The following COL11A1 variants were observed in gnomAD, a reference collection of about 807,000 sequenced individuals.
The protein encoded by COL11A1 is collagen type XI alpha 1 chain.
A neutral mutation model predicts 265.2 loss-of-function variants in COL11A1; 74 were observed. The observed-to-expected ratio is 0.28, with a 90% CI of 0.23 to 0.34. The LOEUF (loss-of-function observed/expected upper bound fraction) is 0.34, where lower values mean the gene tolerates loss of function less well. Among genes scored for constraint, COL11A1 ranks in the 10% least tolerant of loss-of-function variants. The probability of loss-of-function intolerance (pLI) is 1.00; values close to 1 mark genes in which losing one functional copy is unlikely to be tolerated. For missense variants in COL11A1, 2,165 were observed against 2,263.6 expected, an observed-to-expected ratio of 0.96 and a Z score of 0.88; for synonymous variants, 816 against 727.6, an observed-to-expected ratio of 1.12 and a Z score of -1.96.
intron 46 of COL11A1, among the ~76,000 whole-genome samples, chr1:102,928,470 T>C (rs572800037): frequency 6.6e-6 from 1 of 152,286 alleles, no homozygotes; most frequent in South Asian, 2.1e-4. Flanking sequence ...ATGGTGTATA[T>C]GTGCCACATT....
intron 42 of COL11A1, among the ~76,000 whole-genome samples, chr1:102,945,463 GA>G (rs1246012916): frequency 6.6e-6 from 1 of 152,008 alleles, no homozygotes; most frequent in Admixed American, 6.6e-5. Context: ...GTCTCAAACA[GA>G]AATATTGGAA....
At chr1:103,006,241 C>A (rs756537963) in intron 16 of COL11A1, 21 bp downstream of exon 16, 5 of 1,598,626 alleles carry the variant, frequency 3.1e-6, no homozygotes, top group Non-Finnish European at 4.3e-6. Flanking sequence ...CTTCAAAATG[C>A]ACAATGAAAA....
chr1:103,001,893 C>T lies in COL11A1; in HGVS notation c.2142+32G>A, dbSNP rs757837484. On this transcript the variant is annotated intron_variant, in intron 24 of 66. Transcript: ENST00000370096. ...AAGATTGCTAAAACAAACATGTTCACCAGGCTTTACGAGAACAACAGAGTA... is the reference window on the plus strand; with the variant it reads ...AAGATTGCTAAAACAAACATGTTCATCAGGCTTTACGAGAACAACAGAGTA... The T allele has an allele frequency of 1.2e-5, 19 of 1,608,140 alleles. No homozygotes were observed. In the Admixed American group the frequency reaches 2.8e-4, roughly 24 times the overall value.
chr1:103,057,174 A>C, intron 4 of COL11A1, among the ~76,000 whole-genome samples: 1 of 152,204 alleles, frequency 6.6e-6, no homozygotes, highest in East Asian at 1.9e-4. Context: ...TTTATCAACT[A>C]ACTTTATATA....
intron 42 of COL11A1, among the ~76,000 whole-genome samples, chr1:102,943,713 A>T (rs2101357737): frequency 6.6e-6 from 1 of 152,280 alleles, no homozygotes; most frequent in Non-Finnish European, 1.5e-5. Flanking sequence ...ACATGCTAGA[A>T]ATTGTAAATA....
chr1:102,919,512 G>A (rs1202452682), intron 49 of COL11A1, among the ~76,000 whole-genome samples: 1 of 151,840 alleles, frequency 6.6e-6, no homozygotes, highest in Non-Finnish European at 1.5e-5. Flanking sequence ...GCATATTAAG[G>A]AATTTTTTAG....
intron 54 of COL11A1, among the ~76,000 whole-genome samples, chr1:102,909,566 T>C (rs1027079637): frequency 6.6e-6 from 1 of 152,084 alleles, no homozygotes; most frequent in Non-Finnish European, 1.5e-5. Context: ...TTCTAATATA[T>C]GAAAATGCAT....
At chr1:102,918,121 T>G (rs942228988) in intron 49 of COL11A1, among the ~76,000 whole-genome samples, 3 of 151,106 alleles carry the variant, frequency 2.0e-5, no homozygotes, top group Non-Finnish European at 3.0e-5. Context: ...TTCTGAAGAA[T>G]AATAATTAAT....
intron 41 of COL11A1, among the ~76,000 whole-genome samples, chr1:102,951,212 A>C (rs909109979): frequency 2.0e-5 from 3 of 152,186 alleles, no homozygotes; most frequent in African/African-American, 4.8e-5. Context: ...ACACTTTCTT[A>C]TAGAACCTTG....
At chr1:103,096,862 G>C (rs897242131) in intron 1 of COL11A1, among the ~76,000 whole-genome samples, 1 of 151,946 alleles carries the variant, frequency 6.6e-6, no homozygotes, top group South Asian at 2.1e-4. Flanking sequence ...AACAAGAACA[G>C]TCACATAAGG....
At chr1:102,967,559 A>G (rs1661567996) in intron 37 of COL11A1, among the ~76,000 whole-genome samples, 1 of 152,046 alleles carries the variant, frequency 6.6e-6, no homozygotes. Flanking sequence ...ATTTTTAAAC[A>G]TATAGATGAC....
intron 30 of COL11A1, among the ~76,000 whole-genome samples, 175 bp downstream of exon 30, chr1:102,987,458 G>A (rs1228626572): frequency 1.3e-5 from 2 of 150,516 alleles, no homozygotes; most frequent in African/African-American, 2.4e-5. Flanking sequence ...TTTTAATGTT[G>A]CCTAATATTA....
At chr1:102,940,514 G>T in intron 42 of COL11A1, 80 bp from the exon 43 acceptor site, 2 of 1,009,078 alleles carry the variant, frequency 2.0e-6, no homozygotes, top group South Asian at 1.4e-5. Flanking sequence ...TTCTATATTT[G>T]ACAAGGATAT....
At chr1:103,102,478 C>T (rs1007831121) in intron 1 of COL11A1, among the ~76,000 whole-genome samples, 17 of 152,026 alleles carry the variant, frequency 1.1e-4, no homozygotes, top group African/African-American at 3.1e-4. Flanking sequence ...CCTCTCACCA[C>T]TCCCAACTCA....
chr1:102,879,573 A>C, intron 66 of COL11A1, 110 bp downstream of exon 66: 1 of 898,978 alleles, frequency 1.1e-6, no homozygotes, highest in Non-Finnish European at 1.8e-6. Context: ...AACAAATGTT[A>C]ATAACAACTG....
In COL11A1 at chr1:102,965,557, T is replaced by C; in HGVS notation, c.2863-17A>G. 1 of 1,611,302 alleles carries C rather than the reference T, an allele frequency of 6.2e-7. No homozygotes were observed. The highest frequency in any genetic ancestry group is 8.5e-7 in the Non-Finnish European group (1 of 1,177,636). On this transcript the variant is annotated splice_polypyrimidine_tract_variant and intron_variant, in intron 37 of 66. Coordinates refer to ENST00000370096, the MANE Select transcript of COL11A1 (RefSeq NM_001854.4). ...TTGAAATCCCTAAGGAGGCAAAGTA[T>C]TATTTGTAAAAGCTACATACAACAC...
At chr1:103,035,772 A>G (rs1322135733) in intron 4 of COL11A1, among the ~76,000 whole-genome samples, 1 of 152,018 alleles carries the variant, frequency 6.6e-6, no homozygotes, top group Non-Finnish European at 1.5e-5. Context: ...ATTTATTTTT[A>G]CATGTCATGA....
chr1:103,048,190 C>T (rs1238948294), intron 4 of COL11A1, among the ~76,000 whole-genome samples: 2 of 152,162 alleles, frequency 1.3e-5, no homozygotes, highest in African/African-American at 4.8e-5. Context: ...ACCAGCTCCT[C>T]CTTGTACCTC....
intron 46 of COL11A1, among the ~76,000 whole-genome samples, chr1:102,932,862 C>G (rs1257960576): frequency 6.6e-6 from 1 of 151,744 alleles, no homozygotes; most frequent in Non-Finnish European, 1.5e-5. Flanking sequence ...TCGCTGATAC[C>G]CTTTCTTCCA....
Sources: gnomAD v4.1 joint callset for allele counts (sites outside exome capture counted in the v4.1 genomes callset) on GRCh38, gnomAD v4.1.1 for gene constraint, MANE v1.5 for transcripts, NCBI Gene and HGNC (gene_info 2026-07-23, HGNC 2026-07-21) for gene names.